The following PCDHGC3 variants were observed in gnomAD, a reference collection of about 807,000 sequenced individuals.
The protein encoded by PCDHGC3 is protocadherin gamma-C3.
Under a neutral mutation model 59.2 loss-of-function variants are expected in PCDHGC3, and 26 were observed. That is an observed-to-expected ratio of 0.44 (90% CI 0.32 to 0.61). PCDHGC3 has a LOEUF of 0.61. Ranked by LOEUF, PCDHGC3 falls within the 20% of genes least tolerant of loss-of-function variation. The pLI, the probability that PCDHGC3 is intolerant of heterozygous loss-of-function variation, is 0.05. For missense variants in PCDHGC3, 1,080 were observed against 1,221.8 expected, an observed-to-expected ratio of 0.88 and a Z score of 1.73; for synonymous variants, 487 against 519.7, an observed-to-expected ratio of 0.94 and a Z score of 0.86.
intron 3 of PCDHGC3, among the ~76,000 whole-genome samples, chr5:141,507,714 C>T (rs1425955843): frequency 6.6e-6 from 1 of 152,280 alleles, no homozygotes; most frequent in Non-Finnish European, 1.5e-5. Flanking sequence ...GCCCCAAACC[C>T]TCCAAGCAAG....
chr5:141,489,101 T>A lies in PCDHGC3; in HGVS notation c.2431-5706T>A. 2 of 398,380 alleles carry A rather than the reference T, an allele frequency of 5.0e-6. No individual in the cohort carries two copies. Among genetic ancestry groups the A allele is most frequent in the Non-Finnish European group, 9.0e-6 (2 of 223,310 alleles). The allele number at this position is 398,380 out of a possible 1,614,324, so 24.7% of individuals were successfully genotyped here. ...CCGCCACTCGGTGACTAAGAACTGC[T>A]GCAAGCAGGCAAACCTCCGAGCAGT... On this transcript the variant is annotated intron_variant, in intron 1 of 3. Coordinates refer to ENST00000308177, the MANE Select transcript of PCDHGC3 (RefSeq NM_002588.4). This position sits in a 1 kb window ranked among gnomAD's most constrained non-coding sequence, Gnocchi z 4.5.
rs1051300319 is a variant in PCDHGC3 at position 141,491,957 on chromosome 5, A to T, written c.2431-2850A>T. ...GACCGACCCCCACCCCTACACTCAA[A>T]AAAGGCCGGGGCCTCCTTCGAGCTT... is the stretch of plus-strand genomic sequence containing the variant. On this transcript the variant is annotated intron_variant, in intron 1 of 3. Coordinates refer to ENST00000308177, the MANE Select transcript of PCDHGC3 (RefSeq NM_002588.4). The surrounding 1 kb of genome is among the most constrained non-coding windows in gnomAD (Gnocchi z 6.9). 3.6e-5 allele frequency: 37 copies of T among 1,020,096 alleles called. No individual in the cohort carries two copies. The highest frequency in any genetic ancestry group is 5.0e-5 in the Non-Finnish European group (37 of 736,248). The allele number at this position is 1,020,096 out of a possible 1,614,324, so 63.2% of individuals were successfully genotyped here.
rs980172909 is a variant in PCDHGC3, at chr5:141,485,917, G to A, written c.2430+7371G>A. On this transcript the variant is annotated intron_variant, in intron 1 of 3. Transcript: ENST00000308177. The surrounding 1 kb of genome is among the most constrained non-coding windows in gnomAD (Gnocchi z 5.7). ...CAGCCTTCCAGCAATCCAGCTACAGGATTAGTGTGTTGGAGAGCGCACCAG... is the reference window on the plus strand; with the variant it reads ...CAGCCTTCCAGCAATCCAGCTACAGAATTAGTGTGTTGGAGAGCGCACCAG... The A allele has an allele frequency of 2.6e-5, 42 of 1,614,078 alleles. No homozygotes were observed. Among genetic ancestry groups the A allele is most frequent in the Non-Finnish European group, 3.5e-5 (41 of 1,180,050 alleles).
intron 3 of PCDHGC3, chr5:141,507,010 G>A (rs371780810): frequency 1.3e-5 from 2 of 152,324 alleles, no homozygotes; most frequent in East Asian, 1.9e-4. Flanking sequence ...TGAGAGAACC[G>A]AGAAGGCACT....
At position 141,477,898 on chromosome 5, in the gene PCDHGC3, A is replaced by C; in HGVS notation, c.1782A>C (p.Val594=). The C allele has an allele frequency of 6.2e-7, 1 of 1,614,158 alleles. No individual in the cohort carries two copies. Among genetic ancestry groups the C allele is most frequent in the East Asian group, 2.2e-5 (1 of 44,864 alleles). ...TSAGHLVSRV[V]GWDADAGHNA... ...CTGGCCACCTAGTGTCACGGGTGGT[A>C]GGCTGGGACGCGGATGCAGGGCACA... The change falls in exon 1 of 4, where the codon GTA becomes GTC. Residue 594 remains valine (V), a synonymous_variant. Transcript: ENST00000308177. This position sits in a 1 kb window ranked among gnomAD's most constrained non-coding sequence, Gnocchi z 4.9.
chr5:141,485,511 C>G lies in PCDHGC3; in HGVS notation c.2430+6965C>G, dbSNP rs1168331122. The G allele has an allele frequency of 1.2e-6, 2 of 1,614,042 alleles. No individual in the cohort carries two copies. Among genetic ancestry groups the G allele is most frequent in the Non-Finnish European group, 1.7e-6 (2 of 1,180,038 alleles). On this transcript the variant is annotated intron_variant, in intron 1 of 3. Transcript: ENST00000308177. The surrounding 1 kb of genome is among the most constrained non-coding windows in gnomAD (Gnocchi z 5.7). Reference sequence around the variant, plus strand: ...CCCCTGGAGTTTGTCACCGAAGGTCCTTTGGAAATGTACCGAGCAGAGGTA... The same window carrying G: ...CCCCTGGAGTTTGTCACCGAAGGTCGTTTGGAAATGTACCGAGCAGAGGTA...
chr5:141,500,216 ATT>A (rs1562194139), intron 2 of PCDHGC3, among the ~76,000 whole-genome samples: 8 of 149,244 alleles, frequency 5.4e-5, no homozygotes, highest in African/African-American at 2.0e-4. Flanking sequence ...TTATTTATTT[ATT>A]TATTTATTGA....
At chr5:141,495,896 CTCTG>C (rs1175207502) in intron 2 of PCDHGC3, among the ~76,000 whole-genome samples, 2 of 152,108 alleles carry the variant, frequency 1.3e-5, no homozygotes, top group Non-Finnish European at 2.9e-5. Flanking sequence ...CTCTCTTTGT[CTCTG>C]TCTCTGTATA....
At position 141,511,032 on chromosome 5, in the gene PCDHGC3, G is replaced by T. The variant is rs779589499; in HGVS notation, c.2664G>T (p.Gln888His). 6.2e-7 allele frequency: 1 copy of T among 1,614,228 alleles called. No individual in the cohort carries two copies. Among genetic ancestry groups the T allele is most frequent in the South Asian group, 1.1e-5 (1 of 91,090 alleles). ...GCTACGGACCCCAGTTCACCCTGCAGCACGTGCCCGACTACCGCCAGAATG... is the reference window on the plus strand; with the variant it reads ...GCTACGGACCCCAGTTCACCCTGCATCACGTGCCCGACTACCGCCAGAATG... ...SARYGPQFTLQHVPDYRQNVY... is the reference protein window; with the variant it reads ...SARYGPQFTLHHVPDYRQNVY... Residue 888 changes from glutamine (Q) to histidine (H), a missense_variant, in exon 4 of 4, where the codon CAG (glutamine) becomes CAT (histidine). Gln to His is a conservative substitution (Grantham distance 24, BLOSUM62 0). Coordinates refer to ENST00000308177, the MANE Select transcript of PCDHGC3 (RefSeq NM_002588.4).
Position 141,489,826 on chromosome 5 carries a change from C to G in PCDHGC3, c.2431-4981C>G. On this transcript the variant is annotated intron_variant, in intron 1 of 3. Transcript: ENST00000308177. This position sits in a 1 kb window ranked among gnomAD's most constrained non-coding sequence, Gnocchi z 4.5. The stretch of plus-strand genomic sequence containing the variant: ...TGGGAAGCCATTCCCAGAGCTGGTG[C>G]TAGAGCAGCAGCTGGATCGTGAAGC... 1 of 1,614,186 alleles carries G rather than the reference C, an allele frequency of 6.2e-7. No homozygotes were observed. The highest frequency in any genetic ancestry group is 8.5e-7 in the Non-Finnish European group (1 of 1,179,988).
At position 141,487,100 on chromosome 5, in the gene PCDHGC3, C is replaced by T. The variant is rs183291629; in HGVS notation, c.2431-7707C>T. On this transcript the variant is annotated intron_variant, in intron 1 of 3. Coordinates refer to ENST00000308177, the MANE Select transcript of PCDHGC3 (RefSeq NM_002588.4). The surrounding 1 kb of genome is among the most constrained non-coding windows in gnomAD (Gnocchi z 5.0). ...CCCAGCTGACCTCCCACCACAGAAG[C>T]TGGTCATTGTGGTAAAGGATAGTGG... The T allele has an allele frequency of 5.6e-4, 909 of 1,614,074 alleles. 2 individuals carry two copies. Among genetic ancestry groups the T allele is most frequent in the Non-Finnish European group, 1.4e-4 (168 of 1,179,960 alleles).
intron 2 of PCDHGC3, among the ~76,000 whole-genome samples, chr5:141,496,753 A>G (rs2099771084): frequency 6.6e-6 from 1 of 152,166 alleles, no homozygotes; most frequent in Admixed American, 6.5e-5. Flanking sequence ...TTCAACAAAT[A>G]TTTATCGAGC....
chr5:141,481,085 A>T (rs1200522212), intron 1 of PCDHGC3, among the ~76,000 whole-genome samples: 1 of 152,192 alleles, frequency 6.6e-6, no homozygotes, highest in African/African-American at 2.4e-5. Flanking sequence ...AAGAAAAAAG[A>T]AAAGCAGTAC....
At chr5:141,497,568 C>G (rs1012946741) in intron 2 of PCDHGC3, among the ~76,000 whole-genome samples, 2 of 140,602 alleles carry the variant, frequency 1.4e-5, no homozygotes, top group African/African-American at 5.4e-5. Flanking sequence ...TAGACAGAGT[C>G]TTGCTCTGTT....
Position 141,491,349 on chromosome 5 carries a change from C to G in PCDHGC3, c.2431-3458C>G. 6.2e-7 allele frequency: 1 copy of G among 1,614,168 alleles called. No individual in the cohort carries two copies. Among genetic ancestry groups the G allele is most frequent in the Non-Finnish European group, 8.5e-7 (1 of 1,180,016 alleles). ...TTGTGGCTCTAGCGACCGTCAGTCT[C>G]TTATCCCTAGTCACCTTCACCTTTC... is the stretch of plus-strand genomic sequence containing the variant. On this transcript the variant is annotated intron_variant, in intron 1 of 3. Transcript: ENST00000308177. The surrounding 1 kb of genome is among the most constrained non-coding windows in gnomAD (Gnocchi z 6.9).
chr5:141,482,609 A>G (rs2099569274), intron 1 of PCDHGC3, among the ~76,000 whole-genome samples: 1 of 151,770 alleles, frequency 6.6e-6, no homozygotes, highest in African/African-American at 2.4e-5. Context: ...AAACACCTAA[A>G]TGAGCCTGGA....
chr5:141,497,240 GA>G (rs1221446648), intron 2 of PCDHGC3, among the ~76,000 whole-genome samples: 125 of 152,188 alleles, frequency 8.2e-4, no homozygotes, highest in African/African-American at 3.0e-3. Flanking sequence ...AGGCTTCTAG[GA>G]GGAGGTGACA....
intron 1 of PCDHGC3, among the ~76,000 whole-genome samples, chr5:141,484,170 A>G (rs962978452): frequency 6.6e-6 from 1 of 152,210 alleles, no homozygotes; most frequent in Non-Finnish European, 1.5e-5. Context: ...TTGGTAGCTG[A>G]TCTCAATCAT....
At position 141,489,963 on chromosome 5, in the gene PCDHGC3, C is replaced by A. The variant is rs779260164; in HGVS notation, c.2431-4844C>A. On this transcript the variant is annotated intron_variant, in intron 1 of 3. Coordinates refer to ENST00000308177, the MANE Select transcript of PCDHGC3 (RefSeq NM_002588.4). This position sits in a 1 kb window ranked among gnomAD's most constrained non-coding sequence, Gnocchi z 4.5. Reference sequence around the variant, plus strand: ...TGGACATCAATGATAATGCTCCAACCTTCCAATCCTCAGTTCTACGTGTGG... The same window carrying A: ...TGGACATCAATGATAATGCTCCAACATTCCAATCCTCAGTTCTACGTGTGG... The A allele has an allele frequency of 8.1e-6, 13 of 1,614,184 alleles. No homozygotes were observed. In the East Asian group the frequency reaches 2.2e-4, roughly 28 times the overall value.
Sources: gnomAD v4.1 joint callset for allele counts (sites outside exome capture counted in the v4.1 genomes callset) on GRCh38, gnomAD v4.1.1 for gene constraint, Gnocchi (gnomAD v3.1) non-coding constraint, MANE v1.5 for transcripts, NCBI Gene and HGNC (gene_info 2026-07-23, HGNC 2026-07-21) for gene names.